The following SRRM4 variants were observed in gnomAD, a reference collection of about 807,000 sequenced individuals.
The protein encoded by SRRM4 is serine/arginine repetitive matrix protein 4.
In SRRM4, 33 loss-of-function variants were observed where a neutral mutation model predicts 68.9. The ratio of observed to expected loss-of-function variants is 0.48; its 90% CI spans 0.36 to 0.64. The LOEUF is 0.64. Ranked by LOEUF, SRRM4 falls within the 30% of genes least tolerant of loss-of-function variation. SRRM4 has a pLI of 0.00. For missense variants in SRRM4, 817 were observed against 827.1 expected (o/e 0.99, Z 0.15); for synonymous variants, 318 against 318.8 (o/e 1.00, Z 0.03).
At position 119,102,284 on chromosome 12, in the gene SRRM4, A is replaced by G; in HGVS notation, c.180A>G (p.Ser60=). The G allele has an allele frequency of 6.2e-7, 1 of 1,613,856 alleles. No individual in the cohort carries two copies. The highest frequency in any genetic ancestry group is 8.5e-7 in the Non-Finnish European group (1 of 1,179,820). ...TTGTCCCAGCTCAGGATGGACCCTC[A>G]GAAAAGCTGGGTCAGCATCTGGCCA... ...NPVVPAQDGP[S]EKLGQHLATE... The change falls in exon 2 of 13, where the codon TCA becomes TCG. Residue 60 remains serine (S), a synonymous_variant. Transcript: ENST00000267260.
chr12:119,052,455 A>C (rs982934485), intron 1 of SRRM4, among the ~76,000 whole-genome samples: 5 of 152,160 alleles, frequency 3.3e-5, no homozygotes, highest in African/African-American at 1.2e-4. Context: ...TTTAATTCCA[A>C]CCAAGTACTG....
rs1237322186 is a variant in SRRM4, at chr12:119,162,689, A to G, written c.*5891A>G. The G allele has an allele frequency of 2.0e-5, 3 of 152,064 alleles. No individual in the cohort carries two copies. Among genetic ancestry groups the G allele is most frequent in the African/African-American group, 7.3e-5 (3 of 41,360 alleles). The allele number at this position is 152,064 out of a possible 1,614,324, so 9.4% of individuals were successfully genotyped here. On this transcript the variant is annotated 3_prime_UTR_variant, in exon 13 of 13. Coordinates refer to ENST00000267260, the MANE Select transcript of SRRM4 (RefSeq NM_194286.4). The stretch of plus-strand genomic sequence containing the variant: ...TTCTTAGCTATTTCCTCAAGCAATG[A>G]TTGGCCAAGGACCTAGCATAATCCA...
Position 119,047,761 on chromosome 12 carries a change from C to CT in SRRM4, c.132-54474dup, listed in dbSNP as rs978426447. On this transcript the variant is annotated intron_variant, in intron 1 of 12. Transcript: ENST00000267260. ...GGGAAAACACAATCTTTCTTAAGGCCTAAGCCTGGAGCTGGTACACTGTCA... is the reference window on the plus strand; with the variant it reads ...GGGAAAACACAATCTTTCTTAAGGCCTTAAGCCTGGAGCTGGTACACTGTCA... Among the ~76,000 whole-genome samples the CT allele has an allele frequency of 1.5e-4, 23 of 152,302 alleles. No homozygotes were observed. In the South Asian group the frequency reaches 2.9e-3, roughly 19 times the overall value.
At chr12:119,153,680 T>G (rs1363777577) in intron 11 of SRRM4, 31 bp downstream of exon 11, 1 of 1,483,580 alleles carries the variant, frequency 6.7e-7, no homozygotes, top group South Asian at 1.2e-5. Context: ...ACTAGGCCCG[T>G]CCTAGGCCCC....
At position 119,069,944 on chromosome 12, in the gene SRRM4, T is replaced by C. The variant is rs547182769; in HGVS notation, c.132-32292T>C. Reference sequence around the variant, plus strand: ...ACCAGGGTCATATAGATACCATAAATGGGTAGAGTGAGCCAGGTGGAGACT... The same window carrying C: ...ACCAGGGTCATATAGATACCATAAACGGGTAGAGTGAGCCAGGTGGAGACT... On this transcript the variant is annotated intron_variant, in intron 1 of 12. Transcript: ENST00000267260. 2.4e-4 allele frequency among the ~76,000 whole-genome samples: 36 copies of C among 152,192 alleles called. 1 individual carries two copies. The highest frequency in any genetic ancestry group is 2.1e-3 in the Admixed American group (32 of 15,268).
At chr12:119,128,883 A>G (rs1427220588) in intron 7 of SRRM4, among the ~76,000 whole-genome samples, 1 of 152,192 alleles carries the variant, frequency 6.6e-6, no homozygotes, top group East Asian at 1.9e-4. Flanking sequence ...CTGCTGTCCC[A>G]TCTCCTCCTG....
intron 1 of SRRM4, among the ~76,000 whole-genome samples, chr12:119,095,425 A>G (rs1954037623): frequency 6.6e-6 from 1 of 152,196 alleles, no homozygotes; most frequent in Non-Finnish European, 1.5e-5. Flanking sequence ...TACCTGGGCC[A>G]TGATCTCTGG....
At chr12:119,092,403 T>TCTAA (rs1288458887) in intron 1 of SRRM4, among the ~76,000 whole-genome samples, 5 of 152,086 alleles carry the variant, frequency 3.3e-5, no homozygotes. Flanking sequence ...CATCTCAAAA[T>TCTAA]CTAACTGGCA....
In SRRM4 at chr12:119,157,129, C is replaced by T. The variant is rs1023664615; in HGVS notation, c.*331C>T. ...TGTGACTCAAAAATTGAGCCCTGGC[C>T]AGGAAAATGTGGAGACAGTTCTTCT... On this transcript the variant is annotated 3_prime_UTR_variant, in exon 13 of 13. Coordinates refer to ENST00000267260, the MANE Select transcript of SRRM4 (RefSeq NM_194286.4). The surrounding 1 kb of genome is among the most constrained non-coding windows in gnomAD (Gnocchi z 4.1). 1.7e-5 allele frequency: 5 copies of T among 289,080 alleles called. No homozygotes were observed. The highest frequency in any genetic ancestry group is 2.5e-5 in the Non-Finnish European group (4 of 156,868). 17.9% of individuals were successfully genotyped at this position (289,080 alleles called of 1,614,324 possible).
intron 1 of SRRM4, among the ~76,000 whole-genome samples, chr12:119,025,866 T>G (rs1953545453): frequency 6.6e-6 from 1 of 152,080 alleles, no homozygotes; most frequent in African/African-American, 2.4e-5. Context: ...AAAGAAAGAT[T>G]GGGCAAAAGC....
intron 5 of SRRM4, among the ~76,000 whole-genome samples, chr12:119,120,774 A>T (rs61938021): frequency 0.088 from 13,405 of 152,214 alleles, 704 homozygotes; most frequent in East Asian, 0.23. Context: ...AACCTTGCAC[A>T]GTGGATATGT....
intron 7 of SRRM4, among the ~76,000 whole-genome samples, chr12:119,127,629 G>A (rs1421982617): frequency 6.6e-6 from 1 of 151,924 alleles, no homozygotes; most frequent in African/African-American, 2.4e-5. Flanking sequence ...TCGGGAGGCT[G>A]AGGCAGGAGA....
chr12:119,060,258 A>C (rs1953802574), intron 1 of SRRM4, among the ~76,000 whole-genome samples: 1 of 151,738 alleles, frequency 6.6e-6, no homozygotes, highest in African/African-American at 2.4e-5. Context: ...TTTTCCTTGG[A>C]ATTACTCACT....
chr12:119,016,445 C>A (rs185762962), intron 1 of SRRM4, among the ~76,000 whole-genome samples: 1 of 145,894 alleles, frequency 6.9e-6, no homozygotes, highest in South Asian at 2.2e-4. Context: ...GAATTCAATA[C>A]GATGTAATTA....
intron 3 of SRRM4, among the ~76,000 whole-genome samples, chr12:119,114,983 T>G (rs531268881): frequency 6.6e-6 from 1 of 151,772 alleles, no homozygotes; most frequent in Non-Finnish European, 1.5e-5. Flanking sequence ...GTCTTTAGCA[T>G]GAATATTGAA....
intron 7 of SRRM4, among the ~76,000 whole-genome samples, chr12:119,126,014 C>CTTTTTTTTTTTTTTTTTTTTTTT (rs34680171): frequency 1.4e-5 from 1 of 71,162 alleles, no homozygotes; most frequent in Non-Finnish European, 2.5e-5. Flanking sequence ...ATACTAGCTG[C>CTTTTTTTTTTTTTTTTTTTTTTT]TTTTTTTTTT....
At chr12:119,109,208 C>T (rs1212111520) in intron 2 of SRRM4, among the ~76,000 whole-genome samples, 1 of 152,150 alleles carries the variant, frequency 6.6e-6, no homozygotes, top group Non-Finnish European at 1.5e-5. Context: ...GTCTGATGGG[C>T]TTCCCTTTGT....
intron 1 of SRRM4, among the ~76,000 whole-genome samples, chr12:119,002,628 T>C (rs1244131085): frequency 6.6e-6 from 1 of 152,184 alleles, no homozygotes; most frequent in Non-Finnish European, 1.5e-5. Context: ...ATATTTTTAT[T>C]TAGTTATCTC....
intron 1 of SRRM4, among the ~76,000 whole-genome samples, chr12:119,021,461 G>C (rs533883476): frequency 6.6e-6 from 1 of 152,216 alleles, no homozygotes; most frequent in Non-Finnish European, 1.5e-5. Flanking sequence ...GACTCCTTGA[G>C]TCAGATAGGC....
Sources: gnomAD v4.1 joint callset for allele counts (sites outside exome capture counted in the v4.1 genomes callset) on GRCh38, gnomAD v4.1.1 for gene constraint, Gnocchi (gnomAD v3.1) non-coding constraint, MANE v1.5 for transcripts, NCBI Gene and HGNC (gene_info 2026-07-23, HGNC 2026-07-21) for gene names.